Variants in CAMKMT observed in about 807,000 individuals in gnomAD.
CAMKMT encodes the protein CaM KMT.
Under a neutral mutation model 48.0 loss-of-function variants are expected in CAMKMT, and 53 were observed. That is an observed-to-expected ratio of 1.10 (90% CI 0.89 to 1.39). CAMKMT has a LOEUF of 1.39. Among genes scored for constraint, CAMKMT ranks in the 40% most tolerant of loss-of-function variants. The probability of loss-of-function intolerance (pLI) is 0.00; values close to 1 mark genes in which losing one functional copy is unlikely to be tolerated. For synonymous variants in CAMKMT, 165 were observed against 152.3 expected (o/e 1.08, Z -0.61); for missense variants, 428 against 402.7 (o/e 1.06, Z -0.54).
intron 3 of CAMKMT, among the ~76,000 whole-genome samples, chr2:44,444,368 A>G (rs189832402): frequency 6.2e-4 from 94 of 152,294 alleles, no homozygotes; most frequent in Non-Finnish European, 1.0e-3. Context: ...TTCTGTTATT[A>G]TATGTATCAT....
chr2:44,680,805 C>T (rs372704025), intron 3 of CAMKMT, among the ~76,000 whole-genome samples: 11 of 152,080 alleles, frequency 7.2e-5, no homozygotes, highest in African/African-American at 2.4e-4. Context: ...ATTTAAAAGA[C>T]ATCAAGATGT....
chr2:44,373,911 C>T (rs745977285), intron 2 of CAMKMT, among the ~76,000 whole-genome samples: 1 of 151,430 alleles, frequency 6.6e-6, no homozygotes, highest in Admixed American at 6.6e-5. Context: ...ATCACTTGAC[C>T]CTAGGAGTTC....
At chr2:44,521,296 A>G (rs1029807221) in intron 3 of CAMKMT, among the ~76,000 whole-genome samples, 2 of 151,444 alleles carry the variant, frequency 1.3e-5, no homozygotes, top group African/African-American at 4.9e-5. Context: ...TTTTTTTTTT[A>G]ATAGACAGAG....
Position 44,613,818 on chromosome 2 carries a change from G to A in CAMKMT, c.377-90465G>A, listed in dbSNP as rs188159240. Among the ~76,000 whole-genome samples, 438 of 152,272 alleles carry A rather than the reference G, an allele frequency of 2.9e-3. 2 individuals are homozygous for A. The highest frequency in any genetic ancestry group is 7.9e-3 in the African/African-American group (328 of 41,562). ...CCTTAAAGAGTATTGGAGGAAGCAC[G>A]TGGAGTTCTAATTTGTCACTAGTCA... On this transcript the variant is annotated intron_variant, in intron 3 of 10. Coordinates refer to ENST00000378494, the MANE Select transcript of CAMKMT (RefSeq NM_024766.5).
At chr2:44,459,298 C>T (rs919357309) in intron 3 of CAMKMT, among the ~76,000 whole-genome samples, 4 of 152,082 alleles carry the variant, frequency 2.6e-5, no homozygotes, top group South Asian at 4.2e-4. Flanking sequence ...TTTATGTATA[C>T]CTCAAATGCC....
At chr2:44,655,789 CATT>C (rs1437100888) in intron 3 of CAMKMT, among the ~76,000 whole-genome samples, 1 of 152,112 alleles carries the variant, frequency 6.6e-6, no homozygotes, top group Admixed American at 6.6e-5. Flanking sequence ...AACTTGATGA[CATT>C]ATGGTTTTCA....
intron 7 of CAMKMT, among the ~76,000 whole-genome samples, chr2:44,720,676 A>C (rs1005891111): frequency 6.6e-6 from 1 of 152,180 alleles, no homozygotes; most frequent in African/African-American, 2.4e-5. Context: ...CATAAATTAT[A>C]CATTTGCAAG....
chr2:44,522,747 C>A (rs982430812), intron 3 of CAMKMT, among the ~76,000 whole-genome samples: 1 of 152,218 alleles, frequency 6.6e-6, no homozygotes, highest in East Asian at 1.9e-4. Flanking sequence ...AGTTTTTTAA[C>A]GCAGCAAGTC....
chr2:44,390,980 G>C (rs1445926596), intron 3 of CAMKMT, among the ~76,000 whole-genome samples: 1 of 152,126 alleles, frequency 6.6e-6, no homozygotes, highest in Non-Finnish European at 1.5e-5. Flanking sequence ...CATCATAGGA[G>C]CTATGGACTT....
At chr2:44,362,994 T>G (rs529241774) in intron 1 of CAMKMT, among the ~76,000 whole-genome samples, 10 of 152,372 alleles carry the variant, frequency 6.6e-5, no homozygotes, top group Non-Finnish European at 1.3e-4. Flanking sequence ...TTTCCATTTC[T>G]GACAGTTGTG....
intron 3 of CAMKMT, among the ~76,000 whole-genome samples, chr2:44,543,463 C>G (rs1667238936): frequency 6.6e-6 from 1 of 152,062 alleles, no homozygotes; most frequent in African/African-American, 2.4e-5. Flanking sequence ...GGACCTATAT[C>G]TAGAAGGAGG....
chr2:44,672,799 C>T (rs1408323387), intron 3 of CAMKMT, among the ~76,000 whole-genome samples: 2 of 151,756 alleles, frequency 1.3e-5, no homozygotes, highest in African/African-American at 2.4e-5. Flanking sequence ...GTACAAGTAC[C>T]TTATTAATCA....
At chr2:44,447,722 T>C (rs1067405) in intron 3 of CAMKMT, among the ~76,000 whole-genome samples, 113,316 of 152,154 alleles carry the variant, frequency 0.74, 42,956 homozygotes, top group African/African-American at 0.83. Context: ...ATTTACATGG[T>C]GAAGCCTGTT....
intron 3 of CAMKMT, among the ~76,000 whole-genome samples, chr2:44,575,368 C>G (rs547115506): frequency 1.3e-4 from 19 of 149,916 alleles, no homozygotes; most frequent in Non-Finnish European, 2.5e-4. Flanking sequence ...CATGAGCCAC[C>G]ACGCCCAGCC....
At chr2:44,425,242 C>A (rs1343001549) in intron 3 of CAMKMT, among the ~76,000 whole-genome samples, 2 of 152,084 alleles carry the variant, frequency 1.3e-5, no homozygotes, top group African/African-American at 4.8e-5. Flanking sequence ...AAAACATTAT[C>A]TTATCATTAT....
intron 3 of CAMKMT, among the ~76,000 whole-genome samples, chr2:44,446,008 T>G (rs928212554): frequency 1.3e-5 from 2 of 152,110 alleles, no homozygotes; most frequent in African/African-American, 2.4e-5. Flanking sequence ...CTTATTCTAA[T>G]GTCAGTTAGA....
At chr2:44,368,371 C>T (rs1678831541) in intron 1 of CAMKMT, among the ~76,000 whole-genome samples, 1 of 152,158 alleles carries the variant, frequency 6.6e-6, no homozygotes, top group East Asian at 1.9e-4. Context: ...ACTGAATCTT[C>T]TTTTTAAAGC....
intron 3 of CAMKMT, among the ~76,000 whole-genome samples, chr2:44,446,297 T>G (rs1666994048): frequency 6.6e-6 from 1 of 152,054 alleles, no homozygotes; most frequent in East Asian, 1.9e-4. Context: ...TTGCGTTGAT[T>G]ATTCACTCTC....
intron 7 of CAMKMT, among the ~76,000 whole-genome samples, chr2:44,741,432 A>G (rs973712097): frequency 1.3e-5 from 2 of 152,218 alleles, no homozygotes; most frequent in Admixed American, 1.3e-4. Context: ...CAGGTACTGT[A>G]TGAATGGTGC....
Sources: gnomAD v4.1 joint callset for allele counts (sites outside exome capture counted in the v4.1 genomes callset) on GRCh38, gnomAD v4.1.1 for gene constraint, MANE v1.5 for transcripts, NCBI Gene and HGNC (gene_info 2026-07-23, HGNC 2026-07-21) for gene names.